CNTNAP3B: variants seen among roughly 807,000 people sequenced by gnomAD.
The protein encoded by CNTNAP3B is contactin associated protein family member 3B.
A neutral mutation model predicts 108.9 loss-of-function variants in CNTNAP3B; 25 were observed. The observed-to-expected ratio is 0.23, with a 90% CI of 0.17 to 0.32. The LOEUF is 0.32. CNTNAP3B is among the 10% of genes least tolerant of loss of function. The pLI, the probability that CNTNAP3B is intolerant of heterozygous loss-of-function variation, is 1.00. For synonymous variants in CNTNAP3B, 103 were observed against 473.4 expected, an observed-to-expected ratio of 0.22 and a Z score of 10.16; for missense variants, 252 against 1,210.4, an observed-to-expected ratio of 0.21 and a Z score of 11.75.
intron 2 of CNTNAP3B, among the ~76,000 whole-genome samples, chr9:42,078,380 A>AT: frequency 7.3e-6 from 1 of 137,010 alleles, no homozygotes; most frequent in East Asian, 2.1e-4. Flanking sequence ...ATTCTAAGAT[A>AT]TTTTTGTAGT....
chr9:41,965,081 G>A (rs1325722716), intron 10 of CNTNAP3B, among the ~76,000 whole-genome samples: 1 of 152,282 alleles, frequency 6.6e-6, no homozygotes, highest in African/African-American at 2.4e-5. Context: ...CAGAGGTTCA[G>A]AAATTTTGAA....
intron 3 of CNTNAP3B, among the ~76,000 whole-genome samples, chr9:42,058,281 A>G (rs1156491210): frequency 2.6e-5 from 4 of 152,212 alleles, no homozygotes; most frequent in Non-Finnish European, 5.9e-5. Context: ...TTTTTTGAGG[A>G]AACTCCCCAC....
intron 14 of CNTNAP3B, among the ~76,000 whole-genome samples, chr9:41,932,931 C>T (rs1331790947): frequency 1.3e-5 from 2 of 152,304 alleles, no homozygotes; most frequent in Non-Finnish European, 2.9e-5. Context: ...AATTGCCTAT[C>T]TTCTGGCCAG....
intron 4 of CNTNAP3B, among the ~76,000 whole-genome samples, chr9:42,001,566 C>T (rs1184208445): frequency 2.2e-5 from 3 of 135,970 alleles, no homozygotes; most frequent in Non-Finnish European, 3.1e-5. Context: ...GTATGAAATT[C>T]AATTATATAA....
chr9:42,042,085 G>A (rs542157964), intron 3 of CNTNAP3B, among the ~76,000 whole-genome samples: 733 of 141,466 alleles, frequency 5.2e-3, no homozygotes, highest in African/African-American at 0.019. Flanking sequence ...GGGGCCTGTC[G>A]TGGGGTGGTG....
At chr9:42,080,520 T>C (rs1827591271) in intron 2 of CNTNAP3B, among the ~76,000 whole-genome samples, 1 of 137,544 alleles carries the variant, frequency 7.3e-6, no homozygotes, top group Admixed American at 7.2e-5. Flanking sequence ...CACTAATCTG[T>C]GTGCCTTTGT....
chr9:41,940,832 C>CA (rs1217591723), intron 13 of CNTNAP3B, among the ~76,000 whole-genome samples: 2 of 152,256 alleles, frequency 1.3e-5, no homozygotes, highest in Admixed American at 6.5e-5. Flanking sequence ...ATAACAACAA[C>CA]AAAAAACCTT....
At chr9:41,962,715 G>A (rs1226164274) in intron 11 of CNTNAP3B, among the ~76,000 whole-genome samples, 1 of 149,292 alleles carries the variant, frequency 6.7e-6, no homozygotes, top group African/African-American at 2.5e-5. Flanking sequence ...CAGCGCTTCG[G>A]GAGTCCAAGG....
intron 13 of CNTNAP3B, among the ~76,000 whole-genome samples, chr9:41,950,852 C>A (rs933331008): frequency 6.8e-6 from 1 of 147,072 alleles, no homozygotes; most frequent in Non-Finnish European, 1.5e-5. Flanking sequence ...GCTCCACCTC[C>A]CGGGTTCACG....
At position 41,963,436 on chromosome 9, in the gene CNTNAP3B, A is replaced by C. The variant is rs1267262074; in HGVS notation, c.1756+1102T>G. Among the ~76,000 whole-genome samples the C allele has an allele frequency of 8.0e-5, 12 of 150,460 alleles. No homozygotes were observed. In the Middle Eastern group the frequency reaches 0.014, roughly 171 times the overall value. On this transcript the variant is annotated intron_variant, in intron 11 of 23. Coordinates refer to ENST00000377561, the MANE Select transcript of CNTNAP3B (RefSeq NM_001201380.3). The stretch of plus-strand genomic sequence containing the variant: ...TGATGTTCTAATTATAACAGGTTAG[A>C]GTTCAATAAAACGGCATGGCCTTTG...
At chr9:42,095,462 C>A (rs1827881081) in intron 2 of CNTNAP3B, among the ~76,000 whole-genome samples, 1 of 139,272 alleles carries the variant, frequency 7.2e-6, no homozygotes, top group Non-Finnish European at 1.5e-5. Flanking sequence ...ATGTTTCAGA[C>A]TTTCAAAGAA....
intron 13 of CNTNAP3B, among the ~76,000 whole-genome samples, chr9:41,951,938 G>A (rs1306816715): frequency 1.3e-5 from 2 of 152,208 alleles, no homozygotes; most frequent in African/African-American, 4.8e-5. Flanking sequence ...TTAGCCGGGC[G>A]TGGCGGCACC....
At chr9:41,919,186 G>A (rs1227391992) in intron 18 of CNTNAP3B, among the ~76,000 whole-genome samples, 3 of 151,950 alleles carry the variant, frequency 2.0e-5, no homozygotes, top group East Asian at 3.9e-4. Context: ...CCAGGAGTGA[G>A]TGCAGTGGTG....
At position 42,129,286 on chromosome 9, in the gene CNTNAP3B, C is replaced by A. The variant is rs757409314; in HGVS notation, c.-192G>T. Reference sequence around the variant, plus strand: ...GGCGCTGCAGACCCTCCCGCCAAGCCGCGCCCGGCCCCAGCTGCGTCTCCG... The same window carrying A: ...GGCGCTGCAGACCCTCCCGCCAAGCAGCGCCCGGCCCCAGCTGCGTCTCCG... On this transcript the variant is annotated 5_prime_UTR_variant, in exon 1 of 24. Coordinates refer to ENST00000377561, the MANE Select transcript of CNTNAP3B (RefSeq NM_001201380.3). 1,865 of 711,162 alleles carry A rather than the reference C, an allele frequency of 2.6e-3. 110 individuals carry two copies. The highest frequency in any genetic ancestry group is 3.2e-3 in the Middle Eastern group (7 of 2,212). 44.1% of individuals were successfully genotyped at this position (711,162 alleles called of 1,614,324 possible).
intron 12 of CNTNAP3B, among the ~76,000 whole-genome samples, chr9:41,954,932 C>T (rs765593050): frequency 9.9e-4 from 151 of 152,074 alleles, no homozygotes; most frequent in Non-Finnish European, 1.7e-3. Context: ...GTGATCCACC[C>T]GCCTTGGCCT....
intron 1 of CNTNAP3B, among the ~76,000 whole-genome samples, chr9:42,117,031 C>T (rs1409333676): frequency 7.2e-6 from 1 of 138,838 alleles, no homozygotes; most frequent in African/African-American, 2.9e-5. Flanking sequence ...AAAGCAAGTC[C>T]TTAGAGGTGT....
At chr9:41,930,051 T>G (rs1435046021) in intron 14 of CNTNAP3B, among the ~76,000 whole-genome samples, 2 of 152,270 alleles carry the variant, frequency 1.3e-5, no homozygotes, top group East Asian at 3.8e-4. Context: ...GATTTAGATA[T>G]TCATTTTGCA....
At chr9:41,925,904 C>A (rs1823805426) in intron 15 of CNTNAP3B, among the ~76,000 whole-genome samples, 1 of 152,380 alleles carries the variant, frequency 6.6e-6, no homozygotes, top group African/African-American at 2.4e-5. Flanking sequence ...TCTTTTTTAG[C>A]AGAGAATGAC....
In CNTNAP3B at chr9:42,080,239, T is replaced by G. The variant is rs1160551661; in HGVS notation, c.197-3177A>C. ...AGTTTGTTGGTGTTCATGGTTGCAC[T>G]CCTGCTAACAGATGACACATTTCAG... On this transcript the variant is annotated intron_variant, in intron 2 of 23. Transcript: ENST00000377561. 2.9e-5 allele frequency among the ~76,000 whole-genome samples: 4 copies of G among 136,704 alleles called. 1 individual carries two copies. Among genetic ancestry groups the G allele is most frequent in the Non-Finnish European group, 3.1e-5 (2 of 64,308 alleles). The allele number at this position is 136,704 out of a possible 152,430, so 89.7% of individuals were successfully genotyped here.
Sources: allele counts gnomAD v4.1 joint callset (sites outside exome capture counted in the v4.1 genomes callset), GRCh38; gene constraint gnomAD v4.1.1; transcripts MANE v1.5; gene names NCBI Gene and HGNC (gene_info 2026-07-23, HGNC 2026-07-21).